Variants in CFAP95 observed in about 807,000 individuals in gnomAD.
The protein encoded by CFAP95 is cilia and flagella associated protein 95, also known as cilia- and flagella-associated protein 95.
At chr9:69,901,947 G>A in the CFAP95 span, among the ~76,000 whole-genome samples, 10 of 152,120 alleles carry the variant, frequency 6.6e-5, no homozygotes, top group Non-Finnish European at 1.5e-4. Flanking sequence ...CAATGATGAC[G>A]AGCATTTTTT....
At chr9:69,903,554 A>T in the CFAP95 span, among the ~76,000 whole-genome samples, 1 of 152,176 alleles carries the variant, frequency 6.6e-6, no homozygotes, top group Non-Finnish European at 1.5e-5. Flanking sequence ...TGGTAACTTG[A>T]AGTTAGCCTT....
the CFAP95 span, among the ~76,000 whole-genome samples, chr9:69,831,725 A>C: frequency 6.6e-6 from 1 of 152,174 alleles, no homozygotes; most frequent in Admixed American, 6.5e-5. Context: ...GGTTCCTAGG[A>C]TCCCCAAGGA....
At chr9:69,862,034 G>A in the CFAP95 span, among the ~76,000 whole-genome samples, 3 of 152,012 alleles carry the variant, frequency 2.0e-5, no homozygotes, top group Admixed American at 6.6e-5. Flanking sequence ...CATTCTTCTC[G>A]TTCTTGCTAA....
At chr9:69,904,901 G>C in the CFAP95 span, among the ~76,000 whole-genome samples, 3 of 152,144 alleles carry the variant, frequency 2.0e-5, no homozygotes, top group African/African-American at 7.2e-5. Context: ...GGTTTTGTTA[G>C]GGTTCTGGAG....
chr9:69,821,533 C>T, the CFAP95 span, among the ~76,000 whole-genome samples: 1,943 of 152,184 alleles, frequency 0.013, 27 homozygotes, highest in Non-Finnish European at 0.018. Context: ...GAATTAGAGG[C>T]CAGGGGCACA....
chr9:69,872,168 G>A, the CFAP95 span, among the ~76,000 whole-genome samples: 2 of 152,108 alleles, frequency 1.3e-5, no homozygotes, highest in African/African-American at 2.4e-5. Context: ...AACTTTTAAT[G>A]GGAAAATCTG....
chr9:69,848,317 T>C, the CFAP95 span, among the ~76,000 whole-genome samples: 5 of 152,150 alleles, frequency 3.3e-5, no homozygotes, highest in Non-Finnish European at 7.3e-5. Context: ...CAGCATCTCA[T>C]AGTAGGTGCC....
chr9:69,874,793 C>T, the CFAP95 span, among the ~76,000 whole-genome samples: 7 of 152,138 alleles, frequency 4.6e-5, no homozygotes, highest in Non-Finnish European at 8.8e-5. Flanking sequence ...CTAAGAGCCA[C>T]GAGTAGGGAT....
the CFAP95 span, among the ~76,000 whole-genome samples, chr9:69,900,685 C>T: frequency 6.6e-6 from 1 of 152,150 alleles, no homozygotes; most frequent in African/African-American, 2.4e-5. Flanking sequence ...CTGTTAGTAT[C>T]TTCCTCTGCA....
At chr9:69,839,391 G>T in the CFAP95 span, among the ~76,000 whole-genome samples, 1 of 151,254 alleles carries the variant, frequency 6.6e-6, no homozygotes, top group Non-Finnish European at 1.5e-5. Context: ...GTAAGCTATT[G>T]ATTATTGCCA....
the CFAP95 span, among the ~76,000 whole-genome samples, chr9:69,885,490 A>C: frequency 6.6e-6 from 1 of 152,160 alleles, no homozygotes; most frequent in East Asian, 1.9e-4. Flanking sequence ...CCTCCTGTGA[A>C]TCTAAGGCCA....
At chr9:69,828,897 G>A in the CFAP95 span, among the ~76,000 whole-genome samples, 2 of 152,052 alleles carry the variant, frequency 1.3e-5, no homozygotes, top group Non-Finnish European at 2.9e-5. Flanking sequence ...TAAAATTTGT[G>A]ATATCACTTT....
the CFAP95 span, among the ~76,000 whole-genome samples, chr9:69,891,525 T>C: frequency 1.3e-5 from 2 of 151,902 alleles, no homozygotes; most frequent in African/African-American, 2.4e-5. Context: ...GATTTAAAGC[T>C]TATTAAAGAA....
chr9:69,821,938 C>A, the CFAP95 span, among the ~76,000 whole-genome samples: 2 of 152,136 alleles, frequency 1.3e-5, no homozygotes, highest in African/African-American at 4.8e-5. Flanking sequence ...GAACTTCCCT[C>A]GTGTAAGTTC....
chr9:69,845,317 A>G, the CFAP95 span, among the ~76,000 whole-genome samples: 1 of 152,286 alleles, frequency 6.6e-6, no homozygotes, highest in South Asian at 2.1e-4. Flanking sequence ...TGGGTCCTAC[A>G]ATGTCACGAG....
At chr9:69,898,945 C>T in the CFAP95 span, among the ~76,000 whole-genome samples, 2 of 152,072 alleles carry the variant, frequency 1.3e-5, no homozygotes, top group East Asian at 3.8e-4. Flanking sequence ...GCCTTCCAGG[C>T]TTGAAGCTAT....
the CFAP95 span, among the ~76,000 whole-genome samples, chr9:69,884,144 T>G: frequency 0.01 from 1,544 of 152,346 alleles, 27 homozygotes; most frequent in African/African-American, 0.035. Flanking sequence ...ATGTTTTCAT[T>G]AAGCCACTGG....
chr9:69,828,457 G>A, the CFAP95 span, among the ~76,000 whole-genome samples: 2 of 152,222 alleles, frequency 1.3e-5, no homozygotes, highest in Non-Finnish European at 2.9e-5. Flanking sequence ...AAGGTGAGGG[G>A]ATCGCTTGAG....
chr9:69,882,642 G>A, the CFAP95 span, among the ~76,000 whole-genome samples: 1 of 152,086 alleles, frequency 6.6e-6, no homozygotes, highest in Admixed American at 6.6e-5. Flanking sequence ...ATTTTTTGAG[G>A]ATGTGTATTA....
Sources: allele counts gnomAD v4.1 joint callset (sites outside exome capture counted in the v4.1 genomes callset), GRCh38; gene constraint gnomAD v4.1.1; transcripts MANE v1.5; gene names NCBI Gene and HGNC (gene_info 2026-07-23, HGNC 2026-07-21).